Variants in CDC42BPA observed in about 807,000 individuals in gnomAD.
The protein encoded by CDC42BPA is CDC42 binding protein kinase alpha.
A neutral mutation model predicts 223.5 loss-of-function variants in CDC42BPA; 80 were observed. The ratio of observed to expected loss-of-function variants is 0.36; its 90% CI spans 0.30 to 0.43. The LOEUF (loss-of-function observed/expected upper bound fraction) is 0.43. CDC42BPA is among the 20% of genes least tolerant of loss of function. The pLI is 1.00. For synonymous variants in CDC42BPA, 694 were observed against 718.6 expected (o/e 0.97, Z 0.55); for missense variants, 1,743 against 2,099.9 (o/e 0.83, Z 3.32).
chr1:227,105,356 CTTTTT>C (rs35065841), intron 14 of CDC42BPA, among the ~76,000 whole-genome samples: 944 of 91,696 alleles, frequency 0.01, 9 homozygotes, highest in African/African-American at 0.034. Context: ...TGCCTATTCT[CTTTTT>C]TTTTTTTTTT....
At chr1:227,258,458 G>A (rs925957801) in intron 1 of CDC42BPA, among the ~76,000 whole-genome samples, 5 of 150,790 alleles carry the variant, frequency 3.3e-5, no homozygotes, top group African/African-American at 1.2e-4. Context: ...ACAATATTAA[G>A]TGTCTATACA....
At position 227,177,137 on chromosome 1, in the gene CDC42BPA, AT is replaced by A. The variant is rs571244624; in HGVS notation, c.600-16502del. Among the ~76,000 whole-genome samples, 16 of 32,366 alleles carry A rather than the reference AT, an allele frequency of 4.9e-4. No homozygotes were observed. The South Asian group carries it at 5.2e-3, about 10-fold the overall frequency. 21.2% of individuals were successfully genotyped at this position (32,366 alleles called of 152,430 possible). On this transcript the variant is annotated intron_variant, in intron 5 of 36. Coordinates refer to ENST00000366766, the MANE Select transcript of CDC42BPA (RefSeq NM_001394014.1). Reference sequence around the variant, plus strand: ...ATTTTAAAGATGTAAGAAAAAAAAAATATATATATATACAGTATTTCATATA... The same window carrying A: ...ATTTTAAAGATGTAAGAAAAAAAAAAATATATATATACAGTATTTCATATA...
chr1:227,203,333 T>C (rs1672114186), intron 3 of CDC42BPA, among the ~76,000 whole-genome samples: 1 of 152,128 alleles, frequency 6.6e-6, no homozygotes, highest in Admixed American at 6.5e-5. Flanking sequence ...ATTTAGTGGG[T>C]AGAGGCCAGG....
chr1:227,265,944 A>C (rs891958492), intron 1 of CDC42BPA, among the ~76,000 whole-genome samples: 2 of 152,164 alleles, frequency 1.3e-5, no homozygotes. Context: ...AAAGAAAAAA[A>C]CTCAAGAATT....
chr1:227,219,988 A>T (rs1388116921), intron 2 of CDC42BPA, among the ~76,000 whole-genome samples: 1 of 152,078 alleles, frequency 6.6e-6, no homozygotes, highest in Non-Finnish European at 1.5e-5. Flanking sequence ...TTAAAAAGAC[A>T]CCTCACACTA....
chr1:227,252,889 C>T (rs747898775), intron 2 of CDC42BPA, among the ~76,000 whole-genome samples: 7 of 152,102 alleles, frequency 4.6e-5, no homozygotes, highest in African/African-American at 9.7e-5. Flanking sequence ...TTAAATTCTA[C>T]TTCTAACTAC....
intron 21 of CDC42BPA, among the ~76,000 whole-genome samples, chr1:227,065,858 G>A (rs1374529751): frequency 6.6e-6 from 1 of 152,104 alleles, no homozygotes; most frequent in Non-Finnish European, 1.5e-5. Context: ...CTTGATTCCT[G>A]CAATTCTAGT....
At chr1:227,241,621 A>AAAATT (rs1312749696) in intron 2 of CDC42BPA, among the ~76,000 whole-genome samples, 1 of 152,180 alleles carries the variant, frequency 6.6e-6, no homozygotes, top group Non-Finnish European at 1.5e-5. Flanking sequence ...TCAAACAGTC[A>AAAATT]AAATTAATCT....
chr1:227,021,148 C>T (rs1396672260), intron 32 of CDC42BPA, among the ~76,000 whole-genome samples: 5 of 152,046 alleles, frequency 3.3e-5, no homozygotes, highest in African/African-American at 1.2e-4. Flanking sequence ...GACAGAATAA[C>T]AGTGAAAAAG....
At chr1:227,232,367 G>A (rs1678145201) in intron 2 of CDC42BPA, among the ~76,000 whole-genome samples, 1 of 152,198 alleles carries the variant, frequency 6.6e-6, no homozygotes, top group Non-Finnish European at 1.5e-5. Flanking sequence ...GTACCATGCT[G>A]TTTTGGTTAC....
At chr1:227,169,868 C>T (rs1665784426) in intron 5 of CDC42BPA, among the ~76,000 whole-genome samples, 1 of 152,224 alleles carries the variant, frequency 6.6e-6, no homozygotes, top group African/African-American at 2.4e-5. Context: ...GGACCTCATT[C>T]AGTCACTAGC....
At chr1:227,142,895 G>T in intron 9 of CDC42BPA, 50 bp downstream of exon 9, 1 of 1,276,774 alleles carries the variant, frequency 7.8e-7, no homozygotes, top group Non-Finnish European at 1.1e-6. Flanking sequence ...TGGGATTACA[G>T]GCGTGAGCCA....
At chr1:227,239,269 G>C (rs1252212254) in intron 2 of CDC42BPA, among the ~76,000 whole-genome samples, 1 of 152,140 alleles carries the variant, frequency 6.6e-6, no homozygotes, top group Non-Finnish European at 1.5e-5. Context: ...AGTGGTGAGG[G>C]AGAAATGAAT....
At chr1:227,311,400 TAA>T (rs1693512674) in intron 1 of CDC42BPA, among the ~76,000 whole-genome samples, 1 of 152,150 alleles carries the variant, frequency 6.6e-6, no homozygotes. Flanking sequence ...CCTCGATACC[TAA>T]AACTGGCAGT....
chr1:227,140,400 A>C (rs987134362), intron 9 of CDC42BPA, among the ~76,000 whole-genome samples: 3 of 152,140 alleles, frequency 2.0e-5, no homozygotes, highest in Non-Finnish European at 4.4e-5. Context: ...GAAGTTAGGA[A>C]AGCTGTCACT....
rs182273242 is a variant in CDC42BPA at position 227,036,676 on chromosome 1, G to A, written c.3200-1069C>T. ...GATCTCCTGACCTCGTGATCCGCCC[G>A]CCTGGGCCTCCCAAAGTGCTGAGAT... is the stretch of plus-strand genomic sequence containing the variant. On this transcript the variant is annotated intron_variant, in intron 24 of 36. Coordinates refer to ENST00000366766, the MANE Select transcript of CDC42BPA (RefSeq NM_001394014.1). 5.6e-3 allele frequency among the ~76,000 whole-genome samples: 848 copies of A among 152,008 alleles called. 8 individuals are homozygous for A. Among genetic ancestry groups the A allele is most frequent in the African/African-American group, 0.019 (796 of 41,360 alleles).
At chr1:227,313,788 T>C (rs1016342375) in intron 1 of CDC42BPA, among the ~76,000 whole-genome samples, 2 of 152,104 alleles carry the variant, frequency 1.3e-5, no homozygotes, top group Admixed American at 6.5e-5. Flanking sequence ...AAAACTATAC[T>C]AATAAAAAGA....
intron 15 of CDC42BPA, among the ~76,000 whole-genome samples, chr1:227,100,721 G>A (rs1684869670): frequency 1.4e-5 from 2 of 139,684 alleles, no homozygotes; most frequent in Admixed American, 7.3e-5. Context: ...ATAGGTGTGT[G>A]TGTGTGTCTG....
At chr1:227,174,839 C>G (rs143591609) in intron 5 of CDC42BPA, among the ~76,000 whole-genome samples, 2 of 152,246 alleles carry the variant, frequency 1.3e-5, no homozygotes, top group East Asian at 3.9e-4. Flanking sequence ...TAGGAAAGCA[C>G]GTATATTCCA....
Sources: gnomAD v4.1 joint callset for allele counts (sites outside exome capture counted in the v4.1 genomes callset) on GRCh38, gnomAD v4.1.1 for gene constraint, MANE v1.5 for transcripts, NCBI Gene and HGNC (gene_info 2026-07-23, HGNC 2026-07-21) for gene names.